Variants in NDUFA7 observed in about 807,000 individuals in gnomAD.
The protein encoded by NDUFA7 is NADH:ubiquinone oxidoreductase subunit A7.
In NDUFA7, 18 loss-of-function variants were observed where a neutral mutation model predicts 14.2. The ratio of observed to expected loss-of-function variants is 1.27; its 90% CI spans 0.88 to 1.88. The LOEUF (loss-of-function observed/expected upper bound fraction) is 1.88, where lower values mean the gene tolerates loss of function less well. Ranked by LOEUF, NDUFA7 falls within the 40% of genes most tolerant of loss-of-function variation. The pLI is 0.00. For missense variants in NDUFA7, 172 were observed against 147.3 expected (o/e 1.17, Z -0.87); for synonymous variants, 75 against 62.1 (o/e 1.21, Z -0.98).
chr19:8,315,730 TTGTC>T (rs781593070), intron 3 of NDUFA7, among the ~76,000 whole-genome samples: 23 of 152,192 alleles, frequency 1.5e-4, no homozygotes, highest in African/African-American at 4.8e-4. Context: ...TCTCTATACT[TTGTC>T]TGTGTCTCTT....
rs560102985 is a variant in NDUFA7 at position 8,321,070 on chromosome 19, A to G, written c.52-164T>C. ...GGTCCTGCAGGTGAAGAGCAAAGCC[A>G]GAGTCCGGGCCCACAGATCCAAGGC... On this transcript the variant is annotated intron_variant, in intron 1 of 3. Coordinates refer to ENST00000301457, the MANE Select transcript of NDUFA7 (RefSeq NM_005001.5). 91 of 893,168 alleles carry G rather than the reference A, an allele frequency of 1.0e-4. No individual in the cohort carries two copies. In the South Asian group the frequency reaches 1.4e-3, roughly 14 times the overall value. The allele number at this position is 893,168 out of a possible 1,614,324, so 55.3% of individuals were successfully genotyped here. A position where few individuals can be genotyped will look rare whatever the true frequency, so the allele number is the denominator to read the frequency against.
Position 8,311,522 on chromosome 19 carries a change from C to T in NDUFA7, c.325G>A (p.Asp109Asn). ...PPIKRWELSS[D>N]QPYL ...GTGCAGTGTCACAGGTAAGGCTGGT[C>T]CGAGGACAGCTCCCACCTCTTTATG... The change falls in exon 4 of 4, where the codon GAC (aspartate) becomes AAC (asparagine). Residue 109 changes from aspartate (D) to asparagine (N), a missense_variant. Asp to Asn is a conservative substitution (Grantham distance 23). Coordinates refer to ENST00000301457, the MANE Select transcript of NDUFA7 (RefSeq NM_005001.5). The T allele has an allele frequency of 6.2e-7, 1 of 1,611,360 alleles. No homozygotes were observed. Among genetic ancestry groups the T allele is most frequent in the Non-Finnish European group, 8.5e-7 (1 of 1,178,678 alleles).
downstream of NDUFA7, chr19:8,310,872 G>A (rs1349815152): frequency 6.6e-6 from 1 of 151,204 alleles, no homozygotes; most frequent in Non-Finnish European, 1.5e-5. Context: ...AAAAAAATTA[G>A]CGGGTATGGT....
chr19:8,320,734 C>T lies in NDUFA7; in HGVS notation c.101+123G>A, dbSNP rs533905601. ...TAAAGGCAAACCTCTGCCTCCACAG[C>T]CTGGCAGGGGACTGGTGGCAGGATG... On this transcript the variant is annotated intron_variant, in intron 2 of 3. Transcript: ENST00000301457. The T allele has an allele frequency of 4.1e-6, 5 of 1,213,852 alleles. No individual in the cohort carries two copies. The East Asian group carries it at 1.2e-4, about 29-fold the overall frequency. 75.2% of individuals were successfully genotyped at this position (1,213,852 alleles called of 1,614,324 possible). A position where few individuals can be genotyped will look rare whatever the true frequency, so the allele number is the denominator to read the frequency against.
At chr19:8,319,817 C>T (rs1298147635) in intron 2 of NDUFA7, among the ~76,000 whole-genome samples, 1 of 152,022 alleles carries the variant, frequency 6.6e-6, no homozygotes, top group Non-Finnish European at 1.5e-5. Context: ...CACTCTTAGC[C>T]CTTCCTGTTC....
intron 2 of NDUFA7, chr19:8,316,956 C>T (rs927496431): frequency 7.8e-6 from 2 of 257,100 alleles, no homozygotes; most frequent in African/African-American, 4.5e-5. Context: ...TCCCCATGCC[C>T]CCCACCCCAC....
chr19:8,308,660 C>T, downstream of NDUFA7: 2 of 290,364 alleles, frequency 6.9e-6, no homozygotes, highest in Non-Finnish European at 1.3e-5. Context: ...TTTCCTCCCT[C>T]ATCCCACTGC....
chr19:8,312,685 AG>A (rs915052806), intron 3 of NDUFA7, among the ~76,000 whole-genome samples: 12 of 152,014 alleles, frequency 7.9e-5, no homozygotes, highest in Non-Finnish European at 1.8e-4. Context: ...TTTATGAGAC[AG>A]GGTCTCACTT....
At chr19:8,318,123 A>G (rs916006667) in intron 2 of NDUFA7, among the ~76,000 whole-genome samples, 2 of 152,076 alleles carry the variant, frequency 1.3e-5, no homozygotes, top group African/African-American at 4.8e-5. Context: ...GCCAAGGTGG[A>G]AGGATTGCTT....
chr19:8,321,044 G>A (rs1970300690), intron 1 of NDUFA7, 138 bp from the exon 2 acceptor site: 2 of 1,008,608 alleles, frequency 2.0e-6, no homozygotes, highest in Non-Finnish European at 1.5e-6. Flanking sequence ...AAACGGATGT[G>A]GGTCCTGCAG....
intron 3 of NDUFA7, among the ~76,000 whole-genome samples, chr19:8,312,029 G>A (rs1029959686): frequency 1.3e-5 from 2 of 152,238 alleles, no homozygotes; most frequent in Admixed American, 6.5e-5. Context: ...CATGGCAGGC[G>A]CTACTGTGTG....
chr19:8,314,126 G>A (rs1490598653), intron 3 of NDUFA7, among the ~76,000 whole-genome samples: 4 of 151,916 alleles, frequency 2.6e-5, no homozygotes, highest in South Asian at 2.1e-4. Flanking sequence ...GTTCAAGACC[G>A]GCCTGACCAA....
At chr19:8,319,049 T>G (rs1179983843) in intron 2 of NDUFA7, among the ~76,000 whole-genome samples, 1 of 149,260 alleles carries the variant, frequency 6.7e-6, no homozygotes, top group Admixed American at 6.7e-5. Flanking sequence ...AAGTCAAAAC[T>G]TTCACAAAGC....
chr19:8,316,148 C>CAAAAAAAAA (rs60161246), intron 3 of NDUFA7, among the ~76,000 whole-genome samples: 2 of 80,628 alleles, frequency 2.5e-5, no homozygotes, highest in African/African-American at 4.3e-5. Context: ...GACTCCGTCT[C>CAAAAAAAAA]AAAAAAAAAA....
At chr19:8,310,449 G>C (rs932758278), downstream of NDUFA7, 1 of 152,314 alleles carries the variant, frequency 6.6e-6, no homozygotes, top group Non-Finnish European at 1.5e-5. Context: ...AAAGAAGTGA[G>C]AAGTCTGTGG....
intron 3 of NDUFA7, among the ~76,000 whole-genome samples, chr19:8,313,462 C>T (rs986601071): frequency 6.6e-6 from 1 of 151,834 alleles, no homozygotes; most frequent in Non-Finnish European, 1.5e-5. Context: ...GATCTCCTGA[C>T]CTGGTGATCC....
In NDUFA7 at chr19:8,314,557, G is replaced by A. The variant is rs149535044; in HGVS notation, c.251+1939C>T. Among the ~76,000 whole-genome samples the A allele has an allele frequency of 1.5e-3, 226 of 152,146 alleles. 1 individual carries two copies. Among genetic ancestry groups the A allele is most frequent in the Non-Finnish European group, 2.6e-3 (179 of 68,004 alleles). ...AAGGCAGGAGGATCGCTTGAGCCCA[G>A]GAGTTTGAGAACGGCCTGGGCAACA... On this transcript the variant is annotated intron_variant, in intron 3 of 3. Transcript: ENST00000301457.
intron 3 of NDUFA7, among the ~76,000 whole-genome samples, chr19:8,315,514 C>A (rs763855652): frequency 6.6e-6 from 1 of 152,172 alleles, no homozygotes; most frequent in Non-Finnish European, 1.5e-5. Context: ...TAAAGCACAG[C>A]ACTTAATTCT....
chr19:8,311,266 G>A (rs1313246264), downstream of NDUFA7: 13 of 319,310 alleles, frequency 4.1e-5, no homozygotes, highest in South Asian at 5.4e-4. Flanking sequence ...CAGGCCAGGT[G>A]TGGTGGCTCA....
Sources: gnomAD v4.1 joint callset for allele counts (sites outside exome capture counted in the v4.1 genomes callset) on GRCh38, gnomAD v4.1.1 for gene constraint, MANE v1.5 for transcripts, NCBI Gene and HGNC (gene_info 2026-07-23, HGNC 2026-07-21) for gene names.